SNTG2: variants seen among roughly 807,000 people sequenced by gnomAD.
The protein encoded by SNTG2 is gamma-2-syntrophin.
A neutral mutation model predicts 70.9 loss-of-function variants in SNTG2; 74 were observed. That is an observed-to-expected ratio of 1.04 (90% confidence interval 0.86 to 1.27). SNTG2 has a LOEUF of 1.27. Ranked by LOEUF, SNTG2 falls within the 50% of genes most tolerant of loss-of-function variation. SNTG2 has a pLI of 0.00. For synonymous variants in SNTG2, 278 were observed against 273.8 expected (o/e 1.02, Z -0.15); for missense variants, 717 against 690.7 (o/e 1.04, Z -0.43).
At chr2:1,147,549 T>A (rs1669181556) in intron 6 of SNTG2, among the ~76,000 whole-genome samples, 1 of 152,238 alleles carries the variant, frequency 6.6e-6, no homozygotes, top group African/African-American at 2.4e-5. Flanking sequence ...CTCCTCAGCA[T>A]GCAGATGGCC....
chr2:1,010,392 A>C (rs1201510581), intron 1 of SNTG2, among the ~76,000 whole-genome samples: 1 of 152,184 alleles, frequency 6.6e-6, no homozygotes, highest in Non-Finnish European at 1.5e-5. Context: ...GGCTGTTGTA[A>C]ATAAAGGGAA....
At position 1,017,444 on chromosome 2, in the gene SNTG2, A is replaced by G. The variant is rs143768435; in HGVS notation, c.73-66074A>G. On this transcript the variant is annotated intron_variant, in intron 1 of 16. Transcript: ENST00000308624. ...ACGTGTACACATGCAGACACATGCA[A>G]TGTGCATGCACAAACATGCAAACAA... Among the ~76,000 whole-genome samples, 726 of 152,368 alleles carry G rather than the reference A, an allele frequency of 4.8e-3. 4 individuals are homozygous for G. Among genetic ancestry groups the G allele is most frequent in the Middle Eastern group, 0.01 (3 of 294 alleles).
chr2:1,200,247 A>G (rs1219196298), intron 8 of SNTG2, among the ~76,000 whole-genome samples: 1 of 151,954 alleles, frequency 6.6e-6, no homozygotes, highest in African/African-American at 2.4e-5. Context: ...TGACAAAGAT[A>G]CCAAGAACAT....
intron 9 of SNTG2, among the ~76,000 whole-genome samples, chr2:1,216,449 A>G (rs1243963369): frequency 6.6e-6 from 1 of 152,006 alleles, no homozygotes; most frequent in African/African-American, 2.4e-5. Context: ...TAGATTCTGG[A>G]TATTAGCCCT....
chr2:1,022,141 G>C (rs952085546), intron 1 of SNTG2, among the ~76,000 whole-genome samples: 21 of 152,066 alleles, frequency 1.4e-4, no homozygotes, highest in Admixed American at 1.2e-3. Flanking sequence ...ACTATGAATT[G>C]AGCCAGTGTT....
At chr2:1,361,706 TCTGTGAAGGTCA>T (rs1319967477) in intron 16 of SNTG2, among the ~76,000 whole-genome samples, 56,401 of 144,524 alleles carry the variant, frequency 0.39, 10,948 homozygotes, top group East Asian at 0.51. Flanking sequence ...CAGTAGAACT[TCTGTGAAGGTCA>T]CCGATGCTGA....
intron 14 of SNTG2, among the ~76,000 whole-genome samples, chr2:1,298,367 C>T (rs1680311040): frequency 6.6e-6 from 1 of 152,136 alleles, no homozygotes; most frequent in African/African-American, 2.4e-5. Flanking sequence ...CTCCTGGGCT[C>T]AAGCGATCCA....
intron 9 of SNTG2, 104 bp downstream of exon 9, chr2:1,209,334 G>A: frequency 7.4e-7 from 1 of 1,357,344 alleles, no homozygotes; most frequent in Non-Finnish European, 1.0e-6. Flanking sequence ...TGTGACATTA[G>A]CAAGTGTGCG....
intron 16 of SNTG2, among the ~76,000 whole-genome samples, chr2:1,338,556 C>A (rs1659930668): frequency 1.3e-5 from 2 of 152,134 alleles, no homozygotes; most frequent in African/African-American, 4.8e-5. Flanking sequence ...TCCGGGTAAC[C>A]TCTATTCTAT....
intron 4 of SNTG2, among the ~76,000 whole-genome samples, chr2:1,133,055 G>T (rs867148018): frequency 1.3e-5 from 2 of 152,192 alleles, no homozygotes; most frequent in South Asian, 2.1e-4. Flanking sequence ...TTTTGACTCT[G>T]AGGCCCAGAA....
intron 8 of SNTG2, among the ~76,000 whole-genome samples, chr2:1,180,969 CA>C (rs1292282508): frequency 6.6e-6 from 1 of 151,792 alleles, no homozygotes; most frequent in Non-Finnish European, 1.5e-5. Flanking sequence ...ATCGCAAGGA[CA>C]AAAAGCAAAC....
At chr2:1,151,775 G>T (rs1048493320) in intron 6 of SNTG2, among the ~76,000 whole-genome samples, 7 of 152,188 alleles carry the variant, frequency 4.6e-5, no homozygotes, top group Non-Finnish European at 1.5e-5. Flanking sequence ...GAGCACAGCT[G>T]CTCACACTCT....
rs1022386374 is a variant in SNTG2, at chr2:955,821, T to C, written c.72+4753T>C. The stretch of plus-strand genomic sequence containing the variant: ...ATTTTGGATTTGGCAGCAAGTCCTC[T>C]AGCAAGTCCTCTCACTCCGAACAGG... On this transcript the variant is annotated intron_variant, in intron 1 of 16. Coordinates refer to ENST00000308624, the MANE Select transcript of SNTG2 (RefSeq NM_018968.4). Among the ~76,000 whole-genome samples the C allele has an allele frequency of 4.3e-5, 6 of 141,056 alleles. No homozygotes were observed. In the South Asian group the frequency reaches 1.2e-3, roughly 29 times the overall value. The allele number at this position is 141,056 out of a possible 152,430, so 92.5% of individuals were successfully genotyped here. A position where few individuals can be genotyped will look rare whatever the true frequency, so the allele number is the denominator to read the frequency against.
intron 4 of SNTG2, among the ~76,000 whole-genome samples, chr2:1,103,180 T>A (rs1665894770): frequency 6.6e-6 from 1 of 152,180 alleles, no homozygotes. Flanking sequence ...GTTGAGCACA[T>A]ATGTCTAGAC....
At chr2:971,153 AG>A (rs1285065442) in intron 1 of SNTG2, among the ~76,000 whole-genome samples, 2 of 152,238 alleles carry the variant, frequency 1.3e-5, no homozygotes, top group African/African-American at 4.8e-5. Flanking sequence ...CTGGCTTCCT[AG>A]AATGAGTTAT....
chr2:965,023 C>T (rs1660486784), intron 1 of SNTG2, among the ~76,000 whole-genome samples: 1 of 151,792 alleles, frequency 6.6e-6, no homozygotes, highest in African/African-American at 2.4e-5. Context: ...GTCCCCTGTC[C>T]TTTTCCTGCA....
At chr2:956,243 C>T (rs1322928236) in intron 1 of SNTG2, among the ~76,000 whole-genome samples, 2,510 of 113,380 alleles carry the variant, frequency 0.022, 151 homozygotes, top group African/African-American at 0.085. Flanking sequence ...ACCCCTGCCC[C>T]GCCCCGCCCC....
rs1491457502 is a variant in SNTG2 at position 986,064 on chromosome 2, TAA to T, written c.72+34997_72+34998del. Among the ~76,000 whole-genome samples, 3 of 69,926 alleles carry T rather than the reference TAA, an allele frequency of 4.3e-5. No homozygotes were observed. The East Asian group carries it at 1.4e-3, about 34-fold the overall frequency. The allele number at this position is 69,926 out of a possible 152,430, so 45.9% of individuals were successfully genotyped here. A position where few individuals can be genotyped will look rare whatever the true frequency, so the allele number is the denominator to read the frequency against. On this transcript the variant is annotated intron_variant, in intron 1 of 16. Transcript: ENST00000308624. The stretch of plus-strand genomic sequence containing the variant: ...CAGGGAAAAATACATTCCCTGCAAA[TAA>T]TAGAGAGAGAGAGAGAGAGAGAGAG...
At chr2:963,775 G>GATT (rs1660436530) in intron 1 of SNTG2, among the ~76,000 whole-genome samples, 1 of 152,076 alleles carries the variant, frequency 6.6e-6, no homozygotes, top group African/African-American at 2.4e-5. Context: ...ACTAACTCTA[G>GATT]AATCTTAACA....
Sources: gnomAD v4.1 joint callset for allele counts (sites outside exome capture counted in the v4.1 genomes callset) on GRCh38, gnomAD v4.1.1 for gene constraint, MANE v1.5 for transcripts, NCBI Gene and HGNC (gene_info 2026-07-23, HGNC 2026-07-21) for gene names.